SNX7: variants seen among roughly 807,000 people sequenced by gnomAD.
SNX7 encodes the protein sorting nexin 7, also known as sorting nexin-7.
SNX7 carries 35 observed loss-of-function variants against 48.4 expected under a neutral mutation model. That is an observed-to-expected ratio of 0.72 (90% confidence interval 0.55 to 0.96). SNX7 has a LOEUF of 0.96. SNX7 is among the 40% of genes least tolerant of loss of function. The pLI is 0.00. For missense variants in SNX7, 553 were observed against 548.9 expected, an observed-to-expected ratio of 1.01 and a Z score of -0.07; for synonymous variants, 190 against 190.2, an observed-to-expected ratio of 1.00 and a Z score of 0.01.
chr1:98,734,077 T>A (rs1333456163), intron 7 of SNX7, among the ~76,000 whole-genome samples: 1 of 152,086 alleles, frequency 6.6e-6, no homozygotes, highest in African/African-American at 2.4e-5. Context: ...TCTTGTCCAT[T>A]CTTCTGTCAC....
intron 8 of SNX7, among the ~76,000 whole-genome samples, chr1:98,744,865 G>A (rs1654240583): frequency 6.6e-6 from 1 of 151,974 alleles, no homozygotes; most frequent in African/African-American, 2.4e-5. Flanking sequence ...AGCCCCAGTT[G>A]AAGCCCTTAA....
Position 98,701,838 on chromosome 1 carries a change from C to G in SNX7, c.1060C>G (p.Gln354Glu), listed in dbSNP as rs147498655. Reference protein sequence around the residue: ...MLMGVMKRRDQIQAELDSKVE... With the variant: ...MLMGVMKRRDEIQAELDSKVE... Reference sequence around the variant, plus strand: ...AAAGGGTGTTATGAAAAGAAGAGACCAAATACAAGCAGAACTGGATTCCAA... The same window carrying G: ...AAAGGGTGTTATGAAAAGAAGAGACGAAATACAAGCAGAACTGGATTCCAA... The change falls in exon 7 of 9, where the codon CAA becomes GAA. Residue 354 changes from glutamine (Q) to glutamate (E), a missense_variant. Gln to Glu is a conservative substitution (Grantham distance 29, BLOSUM62 2). Transcript: ENST00000306121. 47 of 1,609,818 alleles carry G rather than the reference C, an allele frequency of 2.9e-5. No homozygotes were observed. The African/African-American group carries it at 3.6e-4, about 12-fold the overall frequency.
chr1:98,671,156 A>G (rs1649842730), intron 1 of SNX7, among the ~76,000 whole-genome samples: 1 of 152,152 alleles, frequency 6.6e-6, no homozygotes, highest in Admixed American at 6.5e-5. Context: ...ATTCATGTTT[A>G]TTTATTTGTG....
chr1:98,674,042 T>C (rs1650022795), intron 1 of SNX7, among the ~76,000 whole-genome samples: 1 of 152,234 alleles, frequency 6.6e-6, no homozygotes, highest in South Asian at 2.1e-4. Context: ...ATTTCAGTGG[T>C]AGAATGTTGG....
At chr1:98,747,427 C>G (rs10783101) in intron 8 of SNX7, among the ~76,000 whole-genome samples, 151,326 of 152,306 alleles carry the variant, frequency 0.99, 75,182 homozygotes, top group Middle Eastern at 1. Flanking sequence ...TAGGAGGTTT[C>G]ACTTGTTGAA....
intron 2 of SNX7, 43 bp downstream of exon 2, chr1:98,685,110 T>G: frequency 7.8e-7 from 1 of 1,277,478 alleles, no homozygotes; most frequent in African/African-American, 1.5e-5. Flanking sequence ...GCTGCTTTTT[T>G]TTAAGCTTTG....
intron 1 of SNX7, among the ~76,000 whole-genome samples, chr1:98,684,113 A>G (rs1183215856): frequency 2.0e-5 from 3 of 152,308 alleles, no homozygotes; most frequent in South Asian, 2.1e-4. Context: ...GGCATTCTAC[A>G]TCATAAATAT....
intron 1 of SNX7, among the ~76,000 whole-genome samples, chr1:98,676,637 G>T (rs1031107730): frequency 5.9e-5 from 9 of 152,118 alleles, no homozygotes; most frequent in African/African-American, 1.7e-4. Context: ...GAGTATTATC[G>T]ATGCTTCAAA....
chr1:98,662,541 GC>G (rs964010648), intron 1 of SNX7, among the ~76,000 whole-genome samples: 15 of 152,186 alleles, frequency 9.9e-5, no homozygotes, highest in African/African-American at 3.4e-4. Context: ...GTTTTTCCTT[GC>G]CCCCGGGAAA....
At chr1:98,687,019 T>C (rs1230716321) in intron 2 of SNX7, among the ~76,000 whole-genome samples, 1 of 152,186 alleles carries the variant, frequency 6.6e-6, no homozygotes. Context: ...ACTGGTCTTA[T>C]AGAAGTAGTA....
At chr1:98,724,340 A>G (rs1202515032) in intron 7 of SNX7, among the ~76,000 whole-genome samples, 1 of 152,046 alleles carries the variant, frequency 6.6e-6, no homozygotes, top group Admixed American at 6.6e-5. Flanking sequence ...TTTCTGAATA[A>G]GAATGATTTG....
chr1:98,731,459 T>C (rs976131173), intron 7 of SNX7, among the ~76,000 whole-genome samples: 15 of 152,160 alleles, frequency 9.9e-5, no homozygotes, highest in African/African-American at 3.6e-4. Flanking sequence ...GTCTTTGTCT[T>C]TGGACTTCAG....
At position 98,691,695 on chromosome 1, in the gene SNX7, C is replaced by T; in HGVS notation, c.635C>T (p.Ala212Val). 1 of 1,596,462 alleles carries T rather than the reference C, an allele frequency of 6.3e-7. No homozygotes were observed. The highest frequency in any genetic ancestry group is 8.5e-7 in the Non-Finnish European group (1 of 1,172,672). The change falls in exon 4 of 9, where the codon GCT becomes GTT. Residue 212 changes from alanine to valine, a missense_variant. Transcript: ENST00000306121. ...TTCAAAATTTTTCTCACTGCACAAG[C>T]TTGGGTAAATGATTTTTATTTATAC... ...EDFKIFLTAQ[A>V]WELSSHKKQG...
intron 2 of SNX7, among the ~76,000 whole-genome samples, chr1:98,689,965 G>A (rs756073481): frequency 1.3e-4 from 20 of 152,202 alleles, no homozygotes; most frequent in South Asian, 4.1e-4. Flanking sequence ...TAAAGGGAAT[G>A]TTGTACAAAG....
intron 8 of SNX7, among the ~76,000 whole-genome samples, chr1:98,743,219 G>A (rs995490799): frequency 6.6e-5 from 10 of 152,048 alleles, no homozygotes; most frequent in Admixed American, 4.6e-4. Context: ...CAGGGGTGGC[G>A]TGGCATGGGG....
At chr1:98,694,152 C>T (rs1417522258) in intron 4 of SNX7, among the ~76,000 whole-genome samples, 22 of 152,142 alleles carry the variant, frequency 1.4e-4, no homozygotes, top group African/African-American at 5.1e-4. Flanking sequence ...GGGCGGATCA[C>T]AAGGTCAGGA....
chr1:98,699,220 A>G (rs1651629711), intron 6 of SNX7, among the ~76,000 whole-genome samples: 1 of 152,150 alleles, frequency 6.6e-6, no homozygotes, highest in Admixed American at 6.6e-5. Flanking sequence ...TTACTTTAAA[A>G]TTTTTTAGTG....
At chr1:98,674,577 A>C (rs891253777) in intron 1 of SNX7, among the ~76,000 whole-genome samples, 4 of 152,198 alleles carry the variant, frequency 2.6e-5, no homozygotes, top group Admixed American at 2.6e-4. Flanking sequence ...ATGTCCAAAT[A>C]AGGTCACACT....
chr1:98,754,238 T>G (rs548484971), intron 8 of SNX7, among the ~76,000 whole-genome samples: 148 of 152,226 alleles, frequency 9.7e-4, no homozygotes, highest in African/African-American at 3.2e-3. Flanking sequence ...TGCATAATTC[T>G]TTATAGAAAT....
Sources: allele counts gnomAD v4.1 joint callset (sites outside exome capture counted in the v4.1 genomes callset), GRCh38; gene constraint gnomAD v4.1.1; transcripts MANE v1.5; gene names NCBI Gene and HGNC (gene_info 2026-07-23, HGNC 2026-07-21).